MREG: variants seen among roughly 807,000 people sequenced by gnomAD.
The protein encoded by MREG is melanoregulin.
Under a neutral mutation model 28.5 loss-of-function variants are expected in MREG, and 31 were observed. The observed-to-expected ratio is 1.09, with a 90% confidence interval of 0.82 to 1.47. The LOEUF is 1.47. MREG is among the 40% of genes most tolerant of loss of function. The probability of loss-of-function intolerance (pLI) is 0.00; values close to 1 mark genes in which losing one functional copy is unlikely to be tolerated. For synonymous variants in MREG, 106 were observed against 95.2 expected, an observed-to-expected ratio of 1.11 and a Z score of -0.66; for missense variants, 256 against 257.4, an observed-to-expected ratio of 0.99 and a Z score of 0.04.
chr2:216,017,930 A>C (rs1321443041), upstream of MREG, among the ~76,000 whole-genome samples: 2 of 151,802 alleles, frequency 1.3e-5, no homozygotes, highest in African/African-American at 4.8e-5. Context: ...GTGGGCGAAT[A>C]ACCTGAGGTC....
intron 2 of MREG, among the ~76,000 whole-genome samples, chr2:215,991,043 A>G (rs1173724236): frequency 6.6e-6 from 1 of 152,240 alleles, no homozygotes; most frequent in Non-Finnish European, 1.5e-5. Flanking sequence ...GAACAAGCAG[A>G]CCTAATAGAC....
upstream of MREG, among the ~76,000 whole-genome samples, chr2:216,018,297 C>A (rs1314711112): frequency 6.6e-6 from 1 of 152,196 alleles, no homozygotes; most frequent in Non-Finnish European, 1.5e-5. Context: ...ACTGGGAATA[C>A]AATGGTGAAC....
intron 2 of MREG, among the ~76,000 whole-genome samples, chr2:215,991,829 T>C (rs1369361440): frequency 6.6e-6 from 1 of 152,064 alleles, no homozygotes; most frequent in African/African-American, 2.4e-5. Flanking sequence ...ACATACACAC[T>C]CCTAAGACTA....
chr2:216,006,000 A>G (rs1224866538), intron 1 of MREG, among the ~76,000 whole-genome samples: 1 of 152,222 alleles, frequency 6.6e-6, no homozygotes, highest in African/African-American at 2.4e-5. Flanking sequence ...ACAAAGATTT[A>G]TTAACCAGAC....
intron 2 of MREG, among the ~76,000 whole-genome samples, chr2:215,970,212 C>T (rs573655578): frequency 3.6e-4 from 55 of 152,220 alleles, no homozygotes; most frequent in Non-Finnish European, 5.9e-4. Flanking sequence ...TAGATAGAGA[C>T]ACATGCACAG....
At chr2:216,025,776 C>A (rs1342395726) in intron 1 of MREG, among the ~76,000 whole-genome samples, 1 of 152,244 alleles carries the variant, frequency 6.6e-6, no homozygotes, top group African/African-American at 2.4e-5. Flanking sequence ...GGATCTAGAG[C>A]CCGTGAATCT....
At chr2:215,958,958 G>A (rs929012871) in intron 2 of MREG, among the ~76,000 whole-genome samples, 1 of 152,096 alleles carries the variant, frequency 6.6e-6, no homozygotes, top group African/African-American at 2.4e-5. Flanking sequence ...TCCCTATTCT[G>A]GGGAGGAAAG....
At chr2:216,005,015 G>C (rs1047316038) in intron 1 of MREG, among the ~76,000 whole-genome samples, 10 of 152,220 alleles carry the variant, frequency 6.6e-5, no homozygotes, top group Non-Finnish European at 1.3e-4. Context: ...CAGGGGTGTG[G>C]GTGGTATATT....
chr2:215,949,068 A>G (rs1692399575), intron 2 of MREG, among the ~76,000 whole-genome samples: 1 of 140,604 alleles, frequency 7.1e-6, no homozygotes, highest in East Asian at 2.1e-4. Flanking sequence ...TACTACTACT[A>G]CTACTACTAC....
intron 1 of MREG, among the ~76,000 whole-genome samples, chr2:215,996,843 C>T (rs575800777): frequency 8.5e-5 from 13 of 152,122 alleles, no homozygotes; most frequent in South Asian, 8.3e-4. Context: ...TGCAGTGGCA[C>T]GACCTCAGCT....
chr2:215,960,606 C>A (rs936358248), intron 2 of MREG, among the ~76,000 whole-genome samples: 1 of 151,934 alleles, frequency 6.6e-6, no homozygotes, highest in Non-Finnish European at 1.5e-5. Context: ...GAGGCTGAGG[C>A]GGGCGGATCA....
intron 2 of MREG, among the ~76,000 whole-genome samples, chr2:215,961,054 A>G (rs766248376): frequency 6.6e-6 from 1 of 152,214 alleles, no homozygotes; most frequent in African/African-American, 2.4e-5. Flanking sequence ...AAAGGATCAA[A>G]TGACACAGCA....
chr2:215,946,497 C>T (rs767493812), intron 3 of MREG, among the ~76,000 whole-genome samples: 2 of 152,048 alleles, frequency 1.3e-5, no homozygotes, highest in Non-Finnish European at 2.9e-5. Flanking sequence ...ATCACAATCC[C>T]GGGAGAATTG....
chr2:215,947,190 C>T, intron 2 of MREG, 77 bp from the exon 3 acceptor site: 3 of 832,348 alleles, frequency 3.6e-6, no homozygotes, highest in Non-Finnish European at 5.9e-6. Flanking sequence ...CTTCATGTTG[C>T]CTAAACACCT....
intron 1 of MREG, among the ~76,000 whole-genome samples, chr2:216,005,842 T>TAAAAAAAAAAA (rs35179294): frequency 7.9e-6 from 1 of 125,930 alleles, no homozygotes; most frequent in Non-Finnish European, 1.7e-5. Flanking sequence ...AAGATTTTTG[T>TAAAAAAAAAAA]AAAAAAAAAA....
At position 215,944,743 on chromosome 2, in the gene MREG, A is replaced by G; in HGVS notation, c.*120T>C. Reference sequence around the variant, plus strand: ...AAGACTTTACATTTATGTAGAATTCAGTATCATTTTTCACTAAGCAAACTC... The same window carrying G: ...AAGACTTTACATTTATGTAGAATTCGGTATCATTTTTCACTAAGCAAACTC... On this transcript the variant is annotated 3_prime_UTR_variant, in exon 5 of 5. Coordinates refer to ENST00000263268, the MANE Select transcript of MREG (RefSeq NM_018000.3). The G allele has an allele frequency of 9.8e-7, 1 of 1,020,318 alleles. No homozygotes were observed. The highest frequency in any genetic ancestry group is 2.5e-5 in the South Asian group (1 of 39,622). 63.2% of individuals were successfully genotyped at this position (1,020,318 alleles called of 1,614,324 possible).
intron 2 of MREG, among the ~76,000 whole-genome samples, chr2:215,965,654 C>A (rs139192036): frequency 6.6e-6 from 1 of 152,304 alleles, no homozygotes; most frequent in Non-Finnish European, 1.5e-5. Context: ...CCCTACCTTA[C>A]ATTTGCTCTT....
chr2:215,941,999 CCT>C (rs1172251971), downstream of MREG, among the ~76,000 whole-genome samples: 1 of 152,140 alleles, frequency 6.6e-6, no homozygotes, highest in East Asian at 1.9e-4. Context: ...ATGCTGGTGC[CCT>C]CTCACCAATG....
At chr2:215,990,303 A>T (rs563060856) in intron 2 of MREG, among the ~76,000 whole-genome samples, 1 of 152,244 alleles carries the variant, frequency 6.6e-6, no homozygotes, top group Non-Finnish European at 1.5e-5. Flanking sequence ...AATAAGCTTC[A>T]TAAGTGAAAG....
Sources: gnomAD v4.1 joint callset for allele counts (sites outside exome capture counted in the v4.1 genomes callset) on GRCh38, gnomAD v4.1.1 for gene constraint, MANE v1.5 for transcripts, NCBI Gene and HGNC (gene_info 2026-07-23, HGNC 2026-07-21) for gene names.